CTRC: variants seen among roughly 807,000 people sequenced by gnomAD.
CTRC encodes the protein chymotrypsin C.
Under a neutral mutation model 35.7 loss-of-function variants are expected in CTRC, and 32 were observed. The ratio of observed to expected loss-of-function variants is 0.90; its 90% CI spans 0.68 to 1.20. CTRC has a LOEUF of 1.20. Ranked by LOEUF, CTRC falls within the 50% of genes most tolerant of loss-of-function variation. The pLI, the probability that CTRC is intolerant of heterozygous loss-of-function variation, is 0.00. For synonymous variants in CTRC, 119 were observed against 149.5 expected (o/e 0.80, Z 1.49); for missense variants, 324 against 361.5 (o/e 0.90, Z 0.84).
chr1:15,442,296 G>C, intron 3 of CTRC, 151 bp from the exon 4 acceptor site: 1 of 1,002,686 alleles, frequency 1.0e-6, no homozygotes, highest in Non-Finnish European at 1.5e-6. Context: ...TTGACCCCAA[G>C]TCCCAGGCCC....
chr1:15,439,986 C>T (rs1202746247), intron 1 of CTRC, among the ~76,000 whole-genome samples: 1 of 152,236 alleles, frequency 6.6e-6, no homozygotes, highest in Non-Finnish European at 1.5e-5. Context: ...AAGCGATCCA[C>T]CCGCCTTGGC....
At chr1:15,445,049 C>T (rs1264741257) in intron 6 of CTRC, among the ~76,000 whole-genome samples, 1 of 152,172 alleles carries the variant, frequency 6.6e-6, no homozygotes, top group Non-Finnish European at 1.5e-5. Flanking sequence ...ACAGTAACCA[C>T]TTCACAGGGT....
chr1:15,442,686 T>A (rs542001582), intron 4 of CTRC, 114 bp downstream of exon 4: 2 of 1,458,756 alleles, frequency 1.4e-6, no homozygotes, highest in South Asian at 2.3e-5. Flanking sequence ...ATCCTCACCC[T>A]GGAAAGCCAG....
chr1:15,441,429 G>C (rs993096421), intron 3 of CTRC, among the ~76,000 whole-genome samples: 1 of 152,114 alleles, frequency 6.6e-6, no homozygotes, highest in Non-Finnish European at 1.5e-5. Context: ...AGACCTGTCA[G>C]TATGGTTGAG....
intron 3 of CTRC, among the ~76,000 whole-genome samples, chr1:15,441,008 C>T (rs61780991): frequency 4.6e-5 from 7 of 152,020 alleles, no homozygotes; most frequent in East Asian, 1.9e-4. Context: ...AGTGAAACCC[C>T]GTCTCTACCG....
chr1:15,448,202 T>C lies in CTRC; in HGVS notation c.*1613T>C, dbSNP rs1708248800. On this transcript the variant is annotated 3_prime_UTR_variant, in exon 8 of 8. Transcript: ENST00000375949. ...TTTTTTTTTTTTTTGAGACGGAGTC[T>C]TGCTCTGATGCCCAGGCTGGAGTGC... 6.8e-6 allele frequency: 1 copy of C among 147,880 alleles called. No homozygotes were observed. 9.2% of individuals were successfully genotyped at this position (147,880 alleles called of 1,614,324 possible).
chr1:15,443,374 G>A (rs1312162025), intron 4 of CTRC, 45 bp from the exon 5 acceptor site: 9 of 1,613,742 alleles, frequency 5.6e-6, no homozygotes, highest in South Asian at 1.1e-5. Context: ...AGCTTGTGGG[G>A]CCAGGGCCCT....
chr1:15,438,459 C>A lies in CTRC; in HGVS notation c.-6C>A. The A allele has an allele frequency of 6.2e-7, 1 of 1,614,204 alleles. No homozygotes were observed. Among genetic ancestry groups the A allele is most frequent in the Non-Finnish European group, 8.5e-7 (1 of 1,180,040 alleles). On this transcript the variant is annotated 5_prime_UTR_variant, in exon 1 of 8. Coordinates refer to ENST00000375949, the MANE Select transcript of CTRC (RefSeq NM_007272.3). ...CCGATGGTCAGCCAGTCCTGAGCACCTAACCATGTTGGGCATCACTGTCCT... is the reference window on the plus strand; with the variant it reads ...CCGATGGTCAGCCAGTCCTGAGCACATAACCATGTTGGGCATCACTGTCCT...
chr1:15,442,452 C>A lies in CTRC; in HGVS notation c.236C>A (p.Thr79Asn). 2 of 1,612,682 alleles carry A rather than the reference C, an allele frequency of 1.2e-6. No individual in the cohort carries two copies. The highest frequency in any genetic ancestry group is 1.7e-6 in the Non-Finnish European group (2 of 1,179,326). The change falls in exon 4 of 8, where the codon ACC (threonine) becomes AAC (asparagine). Residue 79 changes from threonine (T) to asparagine (N), a missense_variant. Transcript: ENST00000375949. ...GGACCCCTTCCTCTGCCCAGCAACA[C>A]CCGGACCTACCGTGTGGCCGTGGGA... ...VLTAAHCISN[T>N]RTYRVAVGKN...
Position 15,444,818 on chromosome 1 carries a change from T to C in CTRC, c.639+67T>C. The C allele has an allele frequency of 5.0e-6, 8 of 1,601,016 alleles. No individual in the cohort carries two copies. The South Asian group carries it at 8.8e-5, about 18-fold the overall frequency. The stretch of plus-strand genomic sequence containing the variant: ...CCAAGTGGATGTGGGCAAAGGGGGG[T>C]GCGATGGACCAAACCCTTCTCCTGG... On this transcript the variant is annotated intron_variant, in intron 6 of 7. Transcript: ENST00000375949.
At position 15,446,336 on chromosome 1, in the gene CTRC, CA is replaced by C. The variant is rs542945881; in HGVS notation, c.793-238del. Reference sequence around the variant, plus strand: ...ATTTCTCATCTTGAGAGTAGGGGAACAGAGGGTCACCCTGGGCTGGGGGCTT... The same window carrying C: ...ATTTCTCATCTTGAGAGTAGGGGAACGAGGGTCACCCTGGGCTGGGGGCTT... On this transcript the variant is annotated intron_variant, in intron 7 of 7. Transcript: ENST00000375949. Among the ~76,000 whole-genome samples, 23 of 152,356 alleles carry C rather than the reference CA, an allele frequency of 1.5e-4. No individual in the cohort carries two copies. In the South Asian group the frequency reaches 4.8e-3, roughly 32 times the overall value.
chr1:15,446,632 T>C lies in CTRC; in HGVS notation c.*43T>C. The C allele has an allele frequency of 6.2e-7, 1 of 1,612,970 alleles. No homozygotes were observed. Among genetic ancestry groups the C allele is most frequent in the Admixed American group, 1.7e-5 (1 of 60,024 alleles). On this transcript the variant is annotated 3_prime_UTR_variant, in exon 8 of 8. Transcript: ENST00000375949. ...CGGCAGCGAGTCCCTGCAACAGCAA[T>C]AAACTTCCTTCTCCTCGGGCCACCT...
chr1:15,440,886 T>C (rs1708122478), intron 3 of CTRC, among the ~76,000 whole-genome samples: 2 of 152,080 alleles, frequency 1.3e-5, no homozygotes, highest in South Asian at 4.1e-4. Context: ...ATAATACTAA[T>C]AATAAGGTAT....
chr1:15,439,371 C>T (rs985894570), intron 1 of CTRC, among the ~76,000 whole-genome samples: 4 of 149,294 alleles, frequency 2.7e-5, no homozygotes, highest in Non-Finnish European at 5.9e-5. Flanking sequence ...TGCAGTGAGC[C>T]GAGATCGCGC....
At position 15,446,650 on chromosome 1, in the gene CTRC, G is replaced by A. The variant is rs1248582424; in HGVS notation, c.*61G>A. The A allele has an allele frequency of 1.9e-6, 3 of 1,591,374 alleles. No individual in the cohort carries two copies. The highest frequency in any genetic ancestry group is 2.6e-6 in the Non-Finnish European group (3 of 1,159,312). The stretch of plus-strand genomic sequence containing the variant: ...ACAGCAATAAACTTCCTTCTCCTCG[G>A]GCCACCTGGATCCTTGATTTGTGCA... On this transcript the variant is annotated 3_prime_UTR_variant, in exon 8 of 8. Transcript: ENST00000375949.
rs751747891 is a variant in CTRC, at chr1:15,444,643, G to C, written c.531G>C (p.Leu177=). Residue 177 remains leucine (L), a synonymous_variant, in exon 6 of 8, where the codon CTG becomes CTC. Coordinates refer to ENST00000375949, the MANE Select transcript of CTRC (RefSeq NM_007272.3). ...TTGCTGATAAGCTGCAGCAGGGCCT[G>C]CAGCCCGTGGTGGATCACGCCACGT... ...GPIADKLQQG[L]QPVVDHATCS... The C allele has an allele frequency of 1.9e-6, 3 of 1,614,224 alleles. No homozygotes were observed. The highest frequency in any genetic ancestry group is 2.5e-6 in the Non-Finnish European group (3 of 1,180,044).
intron 5 of CTRC, 85 bp downstream of exon 5, chr1:15,443,640 G>C: frequency 6.5e-7 from 1 of 1,540,818 alleles, no homozygotes; most frequent in Non-Finnish European, 9.0e-7. Flanking sequence ...TTGCCTTTTT[G>C]CCTTCACATT....
At chr1:15,446,513 C>T in intron 7 of CTRC, 62 bp from the exon 8 acceptor site, 1 of 1,572,838 alleles carries the variant, frequency 6.4e-7, no homozygotes, top group East Asian at 2.2e-5. Flanking sequence ...CGGGCAGAGC[C>T]CTGTGCCACC....
At chr1:15,444,504 T>TCCCCTGGGTCCTGTCCCAGGCGCG in intron 5 of CTRC, 102 bp from the exon 6 acceptor site, 2 of 1,446,936 alleles carry the variant, frequency 1.4e-6, no homozygotes, top group Non-Finnish European at 1.9e-6. Context: ...CAGCCGGCGC[T>TCCCCTGGGTCCTGTCCCAGGCGCG]CCCCTGGGTC....
Sources: gnomAD v4.1 joint callset for allele counts (sites outside exome capture counted in the v4.1 genomes callset) on GRCh38, gnomAD v4.1.1 for gene constraint, MANE v1.5 for transcripts, NCBI Gene and HGNC (gene_info 2026-07-23, HGNC 2026-07-21) for gene names.